Variants in STAU2 observed in about 807,000 individuals in gnomAD.
The protein encoded by STAU2 is staufen double-stranded RNA binding protein 2, also known as double-stranded RNA-binding protein Staufen homolog 2.
STAU2 carries 20 observed loss-of-function variants against 65.9 expected under a neutral mutation model. The observed-to-expected ratio is 0.30, with a 90% CI of 0.21 to 0.44. The LOEUF (loss-of-function observed/expected upper bound fraction) is 0.44. Among genes scored for constraint, STAU2 ranks in the 20% least tolerant of loss-of-function variants. The pLI is 1.00. For missense variants in STAU2, 558 were observed against 683.9 expected (o/e 0.82, Z 2.05); for synonymous variants, 232 against 233.9 (o/e 0.99, Z 0.07).
chr8:73,658,886 C>T (rs964780407), intron 6 of STAU2, among the ~76,000 whole-genome samples: 1 of 150,772 alleles, frequency 6.6e-6, no homozygotes, highest in South Asian at 2.1e-4. Flanking sequence ...GTACTCCAGC[C>T]TGGGCGACAG....
chr8:73,522,140 G>A (rs1383462789), intron 13 of STAU2, among the ~76,000 whole-genome samples: 1 of 152,132 alleles, frequency 6.6e-6, no homozygotes, highest in Non-Finnish European at 1.5e-5. Context: ...TGGTGATATT[G>A]ACAATGCAAT....
intron 9 of STAU2, among the ~76,000 whole-genome samples, chr8:73,611,023 G>A (rs889257856): frequency 6.6e-6 from 1 of 152,172 alleles, no homozygotes; most frequent in African/African-American, 2.4e-5. Flanking sequence ...GTGATCAAAT[G>A]AGACAATGTG....
chr8:73,735,100 T>C (rs1484477832), intron 3 of STAU2, among the ~76,000 whole-genome samples: 12 of 152,186 alleles, frequency 7.9e-5, no homozygotes, highest in Non-Finnish European at 1.8e-4. Flanking sequence ...TATCTAACTT[T>C]TTTTATTTTT....
Position 73,635,780 on chromosome 8 carries a change from G to A in STAU2, c.411-18329C>T, listed in dbSNP as rs565944808. Among the ~76,000 whole-genome samples, 197 of 151,852 alleles carry A rather than the reference G, an allele frequency of 1.3e-3. 2 individuals are homozygous for A. The highest frequency in any genetic ancestry group is 4.1e-3 in the African/African-American group (168 of 41,382). On this transcript the variant is annotated intron_variant, in intron 6 of 14. Transcript: ENST00000524300. ...GCAGAGGTTGCAGTGAGCCGAGACC[G>A]CGCCACTGCACTCCAGCTTGGGCAA...
chr8:73,635,575 C>T (rs1457999628), intron 6 of STAU2, among the ~76,000 whole-genome samples: 1 of 151,836 alleles, frequency 6.6e-6, no homozygotes, highest in Non-Finnish European at 1.5e-5. Context: ...GCCTGTAATC[C>T]CAGCACTTTT....
chr8:73,575,477 C>T (rs1270104109), intron 12 of STAU2, among the ~76,000 whole-genome samples: 1 of 152,076 alleles, frequency 6.6e-6, no homozygotes, highest in African/African-American at 2.4e-5. Flanking sequence ...GGAGTAATTC[C>T]ATTTGTAGGA....
chr8:73,649,919 T>C (rs563880677), intron 6 of STAU2, among the ~76,000 whole-genome samples: 2 of 128,892 alleles, frequency 1.6e-5, no homozygotes, highest in African/African-American at 2.9e-5. Context: ...GGTGCAAAGA[T>C]AGCACAGAGT....
intron 3 of STAU2, among the ~76,000 whole-genome samples, chr8:73,735,854 G>A (rs950318427): frequency 2.6e-5 from 4 of 152,164 alleles, no homozygotes; most frequent in African/African-American, 9.7e-5. Flanking sequence ...AATTTTCAAT[G>A]AAGTTGGCTA....
chr8:73,564,078 T>G (rs1279974105), intron 12 of STAU2, among the ~76,000 whole-genome samples: 1 of 152,168 alleles, frequency 6.6e-6, no homozygotes, highest in Non-Finnish European at 1.5e-5. Context: ...CATAGCTTAG[T>G]GCCGGGAGAG....
intron 13 of STAU2, among the ~76,000 whole-genome samples, chr8:73,525,593 T>C (rs1278948351): frequency 6.6e-6 from 1 of 152,144 alleles, no homozygotes; most frequent in South Asian, 2.1e-4. Flanking sequence ...CCAAAGCTAG[T>C]TCAAGGCAAA....
chr8:73,734,578 G>A (rs746652332), intron 3 of STAU2, among the ~76,000 whole-genome samples: 1 of 152,128 alleles, frequency 6.6e-6, no homozygotes, highest in Non-Finnish European at 1.5e-5. Context: ...GGCAGACCAC[G>A]AGGTCAGAAG....
chr8:73,429,263 G>T (rs1563584907), intron 13 of STAU2, among the ~76,000 whole-genome samples: 1 of 152,036 alleles, frequency 6.6e-6, no homozygotes, highest in Non-Finnish European at 1.5e-5. Flanking sequence ...CCCTTTACCT[G>T]CCATGACCTG....
intron 3 of STAU2, among the ~76,000 whole-genome samples, chr8:73,718,155 T>C (rs902950845): frequency 3.3e-5 from 5 of 152,232 alleles, no homozygotes; most frequent in Admixed American, 2.0e-4. Context: ...TCATATGTCA[T>C]GTTTTATGTG....
intron 5 of STAU2, among the ~76,000 whole-genome samples, chr8:73,684,427 A>T (rs1479476682): frequency 6.6e-6 from 1 of 152,226 alleles, no homozygotes; most frequent in Non-Finnish European, 1.5e-5. Context: ...ATGAAACTGG[A>T]TCCTCATCTC....
At chr8:73,693,892 C>G (rs1364990963) in intron 4 of STAU2, among the ~76,000 whole-genome samples, 1 of 152,184 alleles carries the variant, frequency 6.6e-6, no homozygotes, top group South Asian at 2.1e-4. Context: ...GGTGTAAACA[C>G]CCCCACTTGA....
At chr8:73,669,765 C>T (rs1431042039) in intron 6 of STAU2, among the ~76,000 whole-genome samples, 1 of 152,108 alleles carries the variant, frequency 6.6e-6, no homozygotes, top group African/African-American at 2.4e-5. Flanking sequence ...CTGACTACCT[C>T]CCCTACAAGA....
chr8:73,525,257 CTTAAT>C (rs1823289252), intron 13 of STAU2, among the ~76,000 whole-genome samples: 1 of 152,102 alleles, frequency 6.6e-6, no homozygotes, highest in Admixed American at 6.5e-5. Context: ...ATAAAAATGT[CTTAAT>C]TTATCATTGA....
chr8:73,501,304 T>C (rs1585884187), intron 13 of STAU2, among the ~76,000 whole-genome samples: 1 of 151,884 alleles, frequency 6.6e-6, no homozygotes, highest in Non-Finnish European at 1.5e-5. Flanking sequence ...TCAAAATTTA[T>C]CTTGAGTAAC....
At chr8:73,663,131 T>A (rs535923771) in intron 6 of STAU2, among the ~76,000 whole-genome samples, 1 of 152,276 alleles carries the variant, frequency 6.6e-6, no homozygotes, top group East Asian at 1.9e-4. Context: ...GCAGGCCATA[T>A]GATCTATTAC....
Sources: gnomAD v4.1 joint callset for allele counts (sites outside exome capture counted in the v4.1 genomes callset) on GRCh38, gnomAD v4.1.1 for gene constraint, MANE v1.5 for transcripts, NCBI Gene and HGNC (gene_info 2026-07-23, HGNC 2026-07-21) for gene names.